The following NKD2 variants were observed in gnomAD, a reference collection of about 807,000 sequenced individuals.
NKD2 encodes NKD inhibitor of Wnt signaling pathway 2, also known as protein naked cuticle homolog 2.
Under a neutral mutation model 34.8 loss-of-function variants are expected in NKD2, and 43 were observed. The ratio of observed to expected loss-of-function variants is 1.24; its 90% CI spans 0.97 to 1.60. The LOEUF (loss-of-function observed/expected upper bound fraction) is 1.60. Among genes scored for constraint, NKD2 ranks in the 40% most tolerant of loss-of-function variants. The pLI, the probability that NKD2 is intolerant of heterozygous loss-of-function variation, is 0.00. For missense variants in NKD2, 675 were observed against 627.1 expected, an observed-to-expected ratio of 1.08 and a Z score of -0.82; for synonymous variants, 278 against 265.1, an observed-to-expected ratio of 1.05 and a Z score of -0.47.
At chr5:1,017,070 C>G (rs953545348) in intron 3 of NKD2, among the ~76,000 whole-genome samples, 1 of 152,226 alleles carries the variant, frequency 6.6e-6, no homozygotes, top group Non-Finnish European at 1.5e-5. Context: ...CAGAGCCGAC[C>G]TCATCCTCGT....
At chr5:1,028,727 G>A (rs1212154842) in intron 3 of NKD2, among the ~76,000 whole-genome samples, 2 of 152,046 alleles carry the variant, frequency 1.3e-5, no homozygotes, top group African/African-American at 4.8e-5. Flanking sequence ...GAAGGGGGGC[G>A]GAACAGGTTG....
At position 1,009,800 on chromosome 5, in the gene NKD2, C is replaced by T. The variant is rs1755679544; in HGVS notation, c.141+240C>T. 6.6e-6 allele frequency among the ~76,000 whole-genome samples: 1 copy of T among 152,136 alleles called. No individual in the cohort carries two copies. Among genetic ancestry groups the T allele is most frequent in the Non-Finnish European group, 1.5e-5 (1 of 68,016 alleles). The stretch of plus-strand genomic sequence containing the variant: ...GTGGCGGGTAGGGGAATCGGAATTC[C>T]TTGTCCTAGGCTGGGAGCCGTGTGG... On this transcript the variant is annotated intron_variant, in intron 3 of 9. Coordinates refer to ENST00000296849, the MANE Select transcript of NKD2 (RefSeq NM_033120.4). The surrounding 1 kb of genome is among the most constrained non-coding windows in gnomAD (Gnocchi z 6.9).
chr5:1,034,992 G>T, intron 7 of NKD2, 89 bp downstream of exon 7: 2 of 1,254,716 alleles, frequency 1.6e-6, no homozygotes, highest in Non-Finnish European at 2.2e-6. Context: ...GGACAAGTGA[G>T]TGGATGGAGG....
At position 1,037,973 on chromosome 5, in the gene NKD2, C is replaced by G. The variant is rs185789971; in HGVS notation, c.956C>G (p.Thr319Arg). 1 of 1,605,140 alleles carries G rather than the reference C, an allele frequency of 6.2e-7. No homozygotes were observed. Among genetic ancestry groups the G allele is most frequent in the African/African-American group, 1.3e-5 (1 of 74,852 alleles). ...GAGCCTGCTGCCCGGGCCCTGGACA[C>G]GCAGCCCCGGCCGAAGGGGCCGGAG... is the stretch of plus-strand genomic sequence containing the variant. ...ASEPAARALD[T>R]QPRPKGPEKQ... Residue 319 changes from threonine (T) to arginine (R), a missense_variant, in exon 10 of 10, where the codon ACG becomes AGG. Thr to Arg is a moderately conservative substitution (Grantham distance 71). Coordinates refer to ENST00000296849, the MANE Select transcript of NKD2 (RefSeq NM_033120.4).
intron 3 of NKD2, among the ~76,000 whole-genome samples, chr5:1,011,300 G>A (rs1180847176): frequency 6.6e-6 from 1 of 152,136 alleles, no homozygotes; most frequent in Non-Finnish European, 1.5e-5. Context: ...CCAGGGCCCA[G>A]GTGCGCCCTC....
intron 3 of NKD2, among the ~76,000 whole-genome samples, chr5:1,021,596 T>A (rs1756189814): frequency 6.6e-6 from 1 of 151,802 alleles, no homozygotes. Context: ...AAAACTACAT[T>A]GTCACATCTG....
chr5:1,011,913 C>T (rs1330893112), intron 3 of NKD2, among the ~76,000 whole-genome samples: 1 of 152,242 alleles, frequency 6.6e-6, no homozygotes, highest in Non-Finnish European at 1.5e-5. Context: ...CACCGAGTGT[C>T]CCTGAAGGGC....
At chr5:1,017,881 TGCTGGGGTGTGAGAGAGGCCGA>T (rs1487050346) in intron 3 of NKD2, among the ~76,000 whole-genome samples, 9 of 150,736 alleles carry the variant, frequency 6.0e-5, no homozygotes, top group Admixed American at 5.9e-4. Context: ...GGGCCCGTGG[TGCTGGGGTGTGAGAGAGGCCGA>T]GCTGGGGTGC....
rs1755682811 is a variant in NKD2, at chr5:1,009,876, C to G, written c.141+316C>G. Among the ~76,000 whole-genome samples the G allele has an allele frequency of 6.6e-6, 1 of 152,038 alleles. No individual in the cohort carries two copies. Among genetic ancestry groups the G allele is most frequent in the Non-Finnish European group, 1.5e-5 (1 of 67,978 alleles). On this transcript the variant is annotated intron_variant, in intron 3 of 9. Coordinates refer to ENST00000296849, the MANE Select transcript of NKD2 (RefSeq NM_033120.4). The surrounding 1 kb of genome is among the most constrained non-coding windows in gnomAD (Gnocchi z 6.9). ...GCTGGGCGAGTGGGAGGGGCTGGAC[C>G]TAGACGTCCCGGGCTGGGGGTCCCG...
intron 9 of NKD2, among the ~76,000 whole-genome samples, chr5:1,037,326 C>A (rs1225393111): frequency 6.6e-6 from 1 of 152,146 alleles, no homozygotes; most frequent in African/African-American, 2.4e-5. Context: ...GCTCAGTGCG[C>A]TGTGTGCTGA....
At chr5:1,033,579 C>G in intron 5 of NKD2, 80 bp downstream of exon 5, 1 of 1,442,488 alleles carries the variant, frequency 6.9e-7, no homozygotes, top group Admixed American at 2.3e-5. Flanking sequence ...TTGCCCTAAA[C>G]TGGGCATCTG....
In NKD2 at chr5:1,009,179, C is replaced by G; in HGVS notation, c.26C>G (p.Ala9Gly). 1 of 560,138 alleles carries G rather than the reference C, an allele frequency of 1.8e-6. No homozygotes were observed. Among genetic ancestry groups the G allele is most frequent in the Non-Finnish European group, 3.2e-6 (1 of 311,876 alleles). The allele number at this position is 560,138 out of a possible 1,614,324, so 34.7% of individuals were successfully genotyped here. A position where few individuals can be genotyped will look rare whatever the true frequency, so the allele number is the denominator to read the frequency against. Residue 9 changes from alanine to glycine, a missense_variant and splice_region_variant, in exon 2 of 10, where the codon GCC (alanine) becomes GGC (glycine). Transcript: ENST00000296849. The surrounding 1 kb of genome is among the most constrained non-coding windows in gnomAD (Gnocchi z 6.9). ...CTCCCCGCGTCCCGCCGTGCCGCAG[C>G]CGCCGCCGCCCGCAAGCGGAGAGAG... MGKLQSKH[A>G]AAARKRRESP...
intron 3 of NKD2, among the ~76,000 whole-genome samples, chr5:1,029,440 G>C (rs191610957): frequency 6.6e-6 from 1 of 152,122 alleles, no homozygotes; most frequent in Non-Finnish European, 1.5e-5. Flanking sequence ...TGTAGCGCGC[G>C]GAGCGTTTCC....
chr5:1,014,525 G>T (rs57148298), intron 3 of NKD2, among the ~76,000 whole-genome samples: 18,237 of 152,200 alleles, frequency 0.12, 1,248 homozygotes, highest in African/African-American at 0.18. Context: ...AGGTGATGGT[G>T]AGATTGGAAA....
chr5:1,029,761 G>A (rs1756567256), intron 3 of NKD2, among the ~76,000 whole-genome samples: 1 of 152,198 alleles, frequency 6.6e-6, no homozygotes, highest in Admixed American at 6.5e-5. Context: ...CCGCACCTCC[G>A]GCTCCTCTGA....
At chr5:1,016,027 C>T (rs529194197) in intron 3 of NKD2, among the ~76,000 whole-genome samples, 12 of 152,352 alleles carry the variant, frequency 7.9e-5, no homozygotes, top group Non-Finnish European at 1.6e-4. Flanking sequence ...TGTGGGGCTG[C>T]TGGGTTAACG....
intron 3 of NKD2, among the ~76,000 whole-genome samples, chr5:1,020,921 C>T (rs1579254680): frequency 6.6e-6 from 1 of 151,986 alleles, no homozygotes; most frequent in South Asian, 2.1e-4. Context: ...GGTGAGGGGG[C>T]GGATGCCAAC....
chr5:1,016,266 G>C (rs1054250642), intron 3 of NKD2, among the ~76,000 whole-genome samples: 1 of 152,266 alleles, frequency 6.6e-6, no homozygotes, highest in African/African-American at 2.4e-5. Context: ...CTGCACCCAT[G>C]CTGGCTGATG....
At chr5:1,026,863 C>T (rs1176484603) in intron 3 of NKD2, among the ~76,000 whole-genome samples, 1 of 152,268 alleles carries the variant, frequency 6.6e-6, no homozygotes, top group Non-Finnish European at 1.5e-5. Context: ...GTGGCGGTGG[C>T]TGCAGCCTAA....
Sources: allele counts gnomAD v4.1 joint callset (sites outside exome capture counted in the v4.1 genomes callset), GRCh38; gene constraint gnomAD v4.1.1; non-coding constraint Gnocchi (gnomAD v3.1); transcripts MANE v1.5; gene names NCBI Gene and HGNC (gene_info 2026-07-23, HGNC 2026-07-21).